The following PID1 variants were observed in gnomAD, a reference collection of about 807,000 sequenced individuals.
PID1 encodes phosphotyrosine interaction domain containing 1, also known as PTB-containing, cubilin and LRP1-interacting protein.
A neutral mutation model predicts 19.1 loss-of-function variants in PID1; 10 were observed. The ratio of observed to expected loss-of-function variants is 0.52; its 90% CI spans 0.32 to 0.89. The LOEUF is 0.89. Ranked by LOEUF, PID1 falls within the 40% of genes least tolerant of loss-of-function variation. PID1 has a pLI of 0.03. For synonymous variants in PID1, 130 were observed against 116.0 expected (o/e 1.12, Z -0.78); for missense variants, 248 against 285.3 (o/e 0.87, Z 0.94).
intron 1 of PID1, among the ~76,000 whole-genome samples, chr2:229,213,140 AC>A (rs1475791835): frequency 6.6e-6 from 1 of 152,126 alleles, no homozygotes; most frequent in Non-Finnish European, 1.5e-5. Flanking sequence ...GTGACTTACT[AC>A]CTTAAAGCTT....
At chr2:229,060,784 C>T (rs73099461) in intron 2 of PID1, among the ~76,000 whole-genome samples, 9,789 of 151,996 alleles carry the variant, frequency 0.064, 1,060 homozygotes, top group African/African-American at 0.22. Flanking sequence ...ACACTTCTTA[C>T]CATCTGTCTT....
chr2:229,246,985 A>C (rs982763824), intron 1 of PID1, among the ~76,000 whole-genome samples: 13 of 152,232 alleles, frequency 8.5e-5, no homozygotes, highest in African/African-American at 2.9e-4. Context: ...ACTCAAGTAC[A>C]GAAACAGAAT....
chr2:229,200,591 C>T (rs1468762735), intron 1 of PID1, among the ~76,000 whole-genome samples: 1 of 151,972 alleles, frequency 6.6e-6, no homozygotes, highest in Non-Finnish European at 1.5e-5. Flanking sequence ...ATGTCTCTTC[C>T]TCCCAACCAC....
chr2:229,183,823 G>T (rs1231171936), intron 1 of PID1, among the ~76,000 whole-genome samples: 1 of 151,106 alleles, frequency 6.6e-6, no homozygotes, highest in African/African-American at 2.4e-5. Context: ...TCACTGCAAA[G>T]CCAATTCCTT....
At chr2:229,115,213 A>G (rs946828455) in intron 2 of PID1, among the ~76,000 whole-genome samples, 1 of 152,014 alleles carries the variant, frequency 6.6e-6, no homozygotes, top group Non-Finnish European at 1.5e-5. Flanking sequence ...ATAATAATTA[A>G]AGAAGGCTCT....
chr2:229,066,855 G>A (rs143135261), intron 2 of PID1, among the ~76,000 whole-genome samples: 1 of 152,120 alleles, frequency 6.6e-6, no homozygotes, highest in Admixed American at 6.5e-5. Flanking sequence ...CCACTCATAC[G>A]AGGTTCATTA....
chr2:229,033,419 C>A (rs957460590), intron 2 of PID1, among the ~76,000 whole-genome samples: 1 of 152,034 alleles, frequency 6.6e-6, no homozygotes, highest in Non-Finnish European at 1.5e-5. Context: ...TTTGCTGTGA[C>A]TAACACAAGA....
At chr2:229,044,200 G>A (rs1171993750) in intron 2 of PID1, among the ~76,000 whole-genome samples, 1 of 151,876 alleles carries the variant, frequency 6.6e-6, no homozygotes, top group Non-Finnish European at 1.5e-5. Context: ...CCCTTCTGTT[G>A]GGCTGGTGTA....
At chr2:229,068,769 T>C (rs911921659) in intron 2 of PID1, among the ~76,000 whole-genome samples, 4 of 152,172 alleles carry the variant, frequency 2.6e-5, no homozygotes, top group African/African-American at 9.6e-5. Flanking sequence ...CAACTGTGTA[T>C]GTAAGAATTG....
At chr2:229,243,670 A>C (rs1299508227) in intron 1 of PID1, among the ~76,000 whole-genome samples, 2 of 152,132 alleles carry the variant, frequency 1.3e-5, no homozygotes, top group Admixed American at 6.6e-5. Context: ...AAGATGAAAA[A>C]CAAGAATGAA....
chr2:229,030,938 C>T (rs992165771), intron 2 of PID1, among the ~76,000 whole-genome samples: 2 of 151,888 alleles, frequency 1.3e-5, no homozygotes, highest in African/African-American at 2.4e-5. Flanking sequence ...CTGTTAATGG[C>T]CGGGTGCAGT....
At chr2:229,220,393 G>A (rs1691940857) in intron 1 of PID1, among the ~76,000 whole-genome samples, 2 of 152,134 alleles carry the variant, frequency 1.3e-5, no homozygotes, top group African/African-American at 4.8e-5. Flanking sequence ...CAAAAGGACT[G>A]TACAACTGAT....
At chr2:229,139,023 GAAAGAAAGAAAGAA>G (rs1689925758) in intron 2 of PID1, among the ~76,000 whole-genome samples, 3 of 81,886 alleles carry the variant, frequency 3.7e-5, no homozygotes, top group African/African-American at 9.0e-5. Flanking sequence ...AAGAAAGAAA[GAAAGAAAGAAAGAA>G]AGAGAAAGAA....
chr2:229,250,135 C>T (rs556640405), intron 1 of PID1, among the ~76,000 whole-genome samples: 2 of 152,314 alleles, frequency 1.3e-5, no homozygotes, highest in East Asian at 3.9e-4. Flanking sequence ...AATCTGCTCA[C>T]ATCCAATGTG....
chr2:229,036,273 G>A (rs2106169801), intron 2 of PID1, among the ~76,000 whole-genome samples: 1 of 152,230 alleles, frequency 6.6e-6, no homozygotes, highest in East Asian at 1.9e-4. Flanking sequence ...CATCCTTTAT[G>A]GTTGCAATGG....
chr2:229,043,315 C>CT (rs11452673), intron 2 of PID1, among the ~76,000 whole-genome samples: 62,745 of 151,814 alleles, frequency 0.41, 13,110 homozygotes, highest in East Asian at 0.62. Flanking sequence ...TGAGAAATTT[C>CT]TTTTTAAGAA....
At chr2:229,183,776 GCTT>G (rs1690997182) in intron 1 of PID1, among the ~76,000 whole-genome samples, 1 of 151,716 alleles carries the variant, frequency 6.6e-6, no homozygotes, top group African/African-American at 2.4e-5. Flanking sequence ...TGTGTCTCCA[GCTT>G]GCCAACTGTA....
chr2:229,188,085 C>T (rs1230123243), intron 1 of PID1, among the ~76,000 whole-genome samples: 1 of 152,196 alleles, frequency 6.6e-6, no homozygotes, highest in Non-Finnish European at 1.5e-5. Context: ...ACAAATTATA[C>T]ATTACAAATA....
chr2:229,236,940 G>A (rs896603545), intron 1 of PID1, among the ~76,000 whole-genome samples: 2 of 151,310 alleles, frequency 1.3e-5, no homozygotes, highest in Admixed American at 1.3e-4. Flanking sequence ...CATCAGGGTA[G>A]TGTGTCCCGC....
Sources: gnomAD v4.1 joint callset for allele counts (sites outside exome capture counted in the v4.1 genomes callset) on GRCh38, gnomAD v4.1.1 for gene constraint, MANE v1.5 for transcripts, NCBI Gene and HGNC (gene_info 2026-07-23, HGNC 2026-07-21) for gene names.